APOLD1: variants seen among roughly 807,000 people sequenced by gnomAD.
APOLD1 encodes the protein apolipoprotein L domain-containing protein 1.
APOLD1 carries 22 observed loss-of-function variants against 15.3 expected under a neutral mutation model. That is an observed-to-expected ratio of 1.44 (90% CI 1.03 to 2.05). The LOEUF is 2.05. APOLD1 is among the 30% of genes most tolerant of loss of function. The pLI is 0.00. For missense variants in APOLD1, 394 were observed against 353.5 expected (o/e 1.11, Z -0.92); for synonymous variants, 190 against 167.4 (o/e 1.13, Z -1.04).
chr12:12,774,237 C>T (rs1196977674), intron 1 of APOLD1, among the ~76,000 whole-genome samples: 1 of 151,844 alleles, frequency 6.6e-6, no homozygotes, highest in Non-Finnish European at 1.5e-5. Flanking sequence ...ACTCTTAAAA[C>T]TCAACAATAA....
intron 1 of APOLD1, among the ~76,000 whole-genome samples, chr12:12,756,334 C>G (rs1264751686): frequency 6.6e-6 from 1 of 152,196 alleles, no homozygotes; most frequent in East Asian, 1.9e-4. Flanking sequence ...TCATCAGCAG[C>G]CTTCAGATCT....
chr12:12,755,896 T>G (rs1341143234), intron 1 of APOLD1, among the ~76,000 whole-genome samples: 3 of 152,204 alleles, frequency 2.0e-5, no homozygotes, highest in African/African-American at 7.2e-5. Context: ...AATCCTTCCC[T>G]GAGTTTCTAG....
intron 1 of APOLD1, among the ~76,000 whole-genome samples, chr12:12,746,217 C>T (rs759075702): frequency 1.3e-5 from 2 of 152,290 alleles, no homozygotes; most frequent in South Asian, 2.1e-4. Flanking sequence ...TGTTCCAGGC[C>T]GGGTGCAGTG....
intron 1 of APOLD1, among the ~76,000 whole-genome samples, chr12:12,762,208 G>A (rs1443068653): frequency 6.6e-6 from 1 of 152,070 alleles, no homozygotes; most frequent in Non-Finnish European, 1.5e-5. Flanking sequence ...GCATAGCACA[G>A]TAGGAGCCCA....
chr12:12,762,296 A>C (rs2136386797), intron 1 of APOLD1, among the ~76,000 whole-genome samples: 1 of 152,208 alleles, frequency 6.6e-6, no homozygotes, highest in East Asian at 1.9e-4. Context: ...CAAAAGACAG[A>C]GCTGATGCAG....
Position 12,761,824 on chromosome 12 carries a change from TATGTATAGAGAGAG to T in APOLD1, c.97-25083_97-25070del, listed in dbSNP as rs1565432740. On this transcript the variant is annotated intron_variant, in intron 1 of 1. Transcript: ENST00000326765. ...ATACATGAACATATACATATATGTATATGTATAGAGAGAGAGAGAGAGAGAGAGAGAGAGAGAGT... is the reference window on the plus strand; with the variant it reads ...ATACATGAACATATACATATATGTATAGAGAGAGAGAGAGAGAGAGAGAGT... 1.6e-3 allele frequency among the ~76,000 whole-genome samples: 58 copies of T among 35,298 alleles called. 5 individuals are homozygous for T. In the East Asian group the frequency reaches 0.017, roughly 10 times the overall value. The allele number at this position is 35,298 out of a possible 152,430, so 23.2% of individuals were successfully genotyped here. A position where few individuals can be genotyped will look rare whatever the true frequency, so the allele number is the denominator to read the frequency against.
intron 1 of APOLD1, among the ~76,000 whole-genome samples, chr12:12,755,382 C>A (rs545442234): frequency 2.2e-4 from 34 of 151,978 alleles, no homozygotes; most frequent in African/African-American, 7.5e-4. Context: ...AAGCCCTATA[C>A]CCAAACCGTA....
rs370594512 is a variant in APOLD1 at position 12,761,522 on chromosome 12, A to G, written c.97-25387A>G. 1.5e-4 allele frequency among the ~76,000 whole-genome samples: 23 copies of G among 152,238 alleles called. No homozygotes were observed. In the East Asian group the frequency reaches 3.7e-3, roughly 24 times the overall value. On this transcript the variant is annotated intron_variant, in intron 1 of 1. Transcript: ENST00000326765. ...AATATGTATGCCTTTTGTTCAAGCA[A>G]TTTCAATTTGAGGAGTCTTCCCTAC...
intron 1 of APOLD1, among the ~76,000 whole-genome samples, chr12:12,735,806 G>A (rs1946680598): frequency 6.9e-6 from 1 of 145,938 alleles, no homozygotes; most frequent in Admixed American, 6.8e-5. Context: ...AATAAGCCAG[G>A]CATGGTGGTG....
intron 1 of APOLD1, among the ~76,000 whole-genome samples, chr12:12,768,507 C>T (rs1174489807): frequency 6.6e-6 from 1 of 151,970 alleles, no homozygotes; most frequent in Non-Finnish European, 1.5e-5. Context: ...ACAAAAAAAC[C>T]AACCAGGTGT....
chr12:12,746,897 G>A (rs115060375), intron 1 of APOLD1, among the ~76,000 whole-genome samples: 72 of 152,214 alleles, frequency 4.7e-4, no homozygotes, highest in African/African-American at 1.7e-3. Flanking sequence ...TGTGGCATTT[G>A]GTTTTCTGTT....
chr12:12,750,618 ATT>A (rs1946805611), intron 1 of APOLD1, among the ~76,000 whole-genome samples: 1 of 151,920 alleles, frequency 6.6e-6, no homozygotes, highest in Non-Finnish European at 1.5e-5. Context: ...GTATTTTCTT[ATT>A]GAGTTTTTTT....
At position 12,726,033 on chromosome 12, in the gene APOLD1, C is replaced by T. The variant is rs1038985043; in HGVS notation, c.33C>T (p.Ala11=). 3 of 1,538,774 alleles carry T rather than the reference C, an allele frequency of 1.9e-6. No individual in the cohort carries two copies. In the African/African-American group the frequency reaches 4.2e-5, roughly 21 times the overall value. The change falls in exon 1 of 2, where the codon GCC becomes GCT. Residue 11 remains alanine (A), a synonymous_variant. Coordinates refer to the APOLD1 transcript ENST00000326765. ...GCGCGCCGTGTCACCGGCTGCGGGC[C>T]AGGGGTACTCGGAAGGCGCGGGCAG... is the stretch of plus-strand genomic sequence containing the variant.
chr12:12,783,754 G>A (rs57098377), upstream of APOLD1, among the ~76,000 whole-genome samples: 23,608 of 150,878 alleles, frequency 0.16, 2,124 homozygotes, highest in South Asian at 0.29. Context: ...CTGCCTCAGC[G>A]TCCTGAATAG....
chr12:12,738,792 T>C (rs937878209), intron 1 of APOLD1, among the ~76,000 whole-genome samples: 1 of 152,174 alleles, frequency 6.6e-6, no homozygotes, highest in African/African-American at 2.4e-5. Flanking sequence ...CTATGAGGTG[T>C]GTAAGATGGC....
intron 1 of APOLD1, chr12:12,771,494 C>A: frequency 2.0e-6 from 1 of 491,376 alleles, no homozygotes; most frequent in Non-Finnish European, 4.0e-6. Context: ...TGTTTTCCAG[C>A]AAATTGGCAG....
chr12:12,776,390 A>G (rs1313854741), intron 1 of APOLD1, among the ~76,000 whole-genome samples: 6 of 152,236 alleles, frequency 3.9e-5, no homozygotes, highest in African/African-American at 1.4e-4. Flanking sequence ...AGGGCCAGAC[A>G]AAGGTAATTG....
Position 12,787,181 on chromosome 12 carries a change from G to T in APOLD1, c.276G>T (p.Leu92=). Residue 92 remains leucine (L), a synonymous_variant, in exon 2 of 2, where the codon CTG becomes CTT. Transcript: ENST00000356591. This position sits in a 1 kb window ranked among gnomAD's most constrained non-coding sequence, Gnocchi z 4.9. ...GTSLLVSAVG[L]GVATAGGAVT... is the part of the protein sequence containing the mutation. ...CGCTGCTGGTGTCGGCCGTGGGGCT[G>T]GGGGTGGCCACAGCCGGAGGGGCCG... 6.5e-7 allele frequency: 1 copy of T among 1,540,224 alleles called. No homozygotes were observed. Among genetic ancestry groups the T allele is most frequent in the East Asian group, 2.3e-5 (1 of 44,294 alleles).
At chr12:12,756,836 G>T (rs1048853406) in intron 1 of APOLD1, among the ~76,000 whole-genome samples, 6 of 151,880 alleles carry the variant, frequency 4.0e-5, no homozygotes, top group African/African-American at 1.5e-4. Flanking sequence ...GCCCAGGCTG[G>T]AGTGCAATGG....
Sources: allele counts gnomAD v4.1 joint callset (sites outside exome capture counted in the v4.1 genomes callset), GRCh38; gene constraint gnomAD v4.1.1; non-coding constraint Gnocchi (gnomAD v3.1); transcripts MANE v1.5; gene names NCBI Gene and HGNC (gene_info 2026-07-23, HGNC 2026-07-21).